Variants in SHTN1 observed in about 807,000 individuals in gnomAD.
The protein encoded by SHTN1 is shootin-1.
In SHTN1, 42 loss-of-function variants were observed where a neutral mutation model predicts 83.1. That is an observed-to-expected ratio of 0.51 (90% CI 0.39 to 0.65). SHTN1 has a LOEUF of 0.65. Ranked by LOEUF, SHTN1 falls within the 30% of genes least tolerant of loss-of-function variation. The pLI is 0.00. For synonymous variants in SHTN1, 224 were observed against 247.7 expected, an observed-to-expected ratio of 0.90 and a Z score of 0.90; for missense variants, 622 against 737.8, an observed-to-expected ratio of 0.84 and a Z score of 1.82.
intron 4 of SHTN1, among the ~76,000 whole-genome samples, chr10:116,959,005 CT>C (rs1487672282): frequency 7.2e-5 from 11 of 152,130 alleles, no homozygotes; most frequent in Non-Finnish European, 1.6e-4. Context: ...AGAGTATATC[CT>C]TAGACACTAG....
chr10:117,125,682 G>T (rs997217899), intron 1 of SHTN1, among the ~76,000 whole-genome samples: 5 of 151,780 alleles, frequency 3.3e-5, no homozygotes, highest in Non-Finnish European at 7.4e-5. Flanking sequence ...TCTCCCCTCC[G>T]TTTCTCCCTG....
chr10:116,929,163 G>C (rs982139914), intron 10 of SHTN1, among the ~76,000 whole-genome samples: 1 of 152,176 alleles, frequency 6.6e-6, no homozygotes, highest in African/African-American at 2.4e-5. Flanking sequence ...AAAAATATCT[G>C]AAGTGAATAT....
chr10:116,927,925 AAAT>A, intron 10 of SHTN1, 34 bp from the exon 11 acceptor site: 3 of 1,610,454 alleles, frequency 1.9e-6, no homozygotes, highest in Non-Finnish European at 2.5e-6. Flanking sequence ...AAGAGAGCTG[AAAT>A]AAGCAACTAA....
In SHTN1 at chr10:116,970,712, C is replaced by CAAAA. The variant is rs1203374258; in HGVS notation, c.112-2004_112-2001dup. Among the ~76,000 whole-genome samples, 85 of 68,184 alleles carry CAAAA rather than the reference C, an allele frequency of 1.2e-3. 2 individuals carry two copies. In the South Asian group the frequency reaches 0.037, roughly 30 times the overall value. 44.7% of individuals were successfully genotyped at this position (68,184 alleles called of 152,430 possible). ...CTGGTGACAGAGAGAGACTTACTCT[C>CAAAA]AAAAAAAAAAAAAAACAAACCATCA... On this transcript the variant is annotated intron_variant, in intron 2 of 16. Transcript: ENST00000355371.
chr10:116,923,899 T>C (rs1198045271), intron 11 of SHTN1, among the ~76,000 whole-genome samples: 6 of 152,168 alleles, frequency 3.9e-5, no homozygotes, highest in Admixed American at 3.9e-4. Context: ...ACTTTTCACT[T>C]CTACGTTTGC....
intron 9 of SHTN1, among the ~76,000 whole-genome samples, chr10:116,936,070 G>C (rs923910564): frequency 6.6e-6 from 1 of 151,806 alleles, no homozygotes; most frequent in Non-Finnish European, 1.5e-5. Flanking sequence ...TTCTTTATTA[G>C]TTGGGCTAGC....
chr10:117,067,459 G>A (rs991869836), intron 1 of SHTN1, among the ~76,000 whole-genome samples: 3 of 152,202 alleles, frequency 2.0e-5, no homozygotes, highest in African/African-American at 7.2e-5. Flanking sequence ...GCCAGACGTG[G>A]TGGCAGGTGC....
chr10:117,001,818 T>C (rs1325972680), intron 1 of SHTN1, among the ~76,000 whole-genome samples: 1 of 152,172 alleles, frequency 6.6e-6, no homozygotes, highest in African/African-American at 2.4e-5. Flanking sequence ...TCATTATGCA[T>C]TCTAAGCATG....
At chr10:116,931,474 C>A (rs1848963543) in intron 9 of SHTN1, among the ~76,000 whole-genome samples, 1 of 152,120 alleles carries the variant, frequency 6.6e-6, no homozygotes, top group East Asian at 1.9e-4. Flanking sequence ...GTTTCGAACT[C>A]CTGGCCTTAA....
At chr10:116,935,322 A>C (rs1341671389) in intron 9 of SHTN1, among the ~76,000 whole-genome samples, 2 of 152,172 alleles carry the variant, frequency 1.3e-5, no homozygotes, top group Non-Finnish European at 2.9e-5. Context: ...AGCTCTTATT[A>C]TTTTGAGATA....
intron 4 of SHTN1, among the ~76,000 whole-genome samples, chr10:116,958,175 T>G (rs1483452752): frequency 6.6e-6 from 1 of 152,056 alleles, no homozygotes; most frequent in African/African-American, 2.4e-5. Context: ...GAAACTTTGC[T>G]CTCAGGAAAA....
At chr10:117,093,973 C>A (rs1853470573) in intron 1 of SHTN1, among the ~76,000 whole-genome samples, 1 of 152,168 alleles carries the variant, frequency 6.6e-6, no homozygotes, top group South Asian at 2.1e-4. Context: ...GAGGCTAATT[C>A]TTCCAATATA....
At chr10:117,107,749 T>C (rs903749474) in intron 1 of SHTN1, among the ~76,000 whole-genome samples, 2 of 152,192 alleles carry the variant, frequency 1.3e-5, no homozygotes, top group Non-Finnish European at 2.9e-5. Flanking sequence ...AGAAAGAAGA[T>C]AGAAGTTTGG....
intron 1 of SHTN1, among the ~76,000 whole-genome samples, chr10:116,997,987 G>C (rs1851684520): frequency 6.6e-6 from 1 of 152,150 alleles, no homozygotes; most frequent in South Asian, 2.1e-4. Flanking sequence ...AGCTACTCGG[G>C]AGGCAGAGGC....
intron 1 of SHTN1, among the ~76,000 whole-genome samples, chr10:117,048,664 A>T (rs906609273): frequency 1.3e-5 from 2 of 152,190 alleles, no homozygotes; most frequent in Non-Finnish European, 2.9e-5. Context: ...CCCACATTGA[A>T]CTTCTGTAGT....
At chr10:117,103,747 A>C (rs1475119834) in intron 1 of SHTN1, among the ~76,000 whole-genome samples, 2 of 151,986 alleles carry the variant, frequency 1.3e-5, no homozygotes, top group African/African-American at 4.8e-5. Context: ...TGTGTTAGCC[A>C]GGATGGTCTC....
intron 2 of SHTN1, among the ~76,000 whole-genome samples, chr10:117,027,017 C>T (rs559070144): frequency 6.6e-6 from 1 of 152,338 alleles, no homozygotes; most frequent in South Asian, 2.1e-4. Flanking sequence ...CCTCCAGCTC[C>T]AGGTGGCTCA....
chr10:116,887,020 G>A (rs535232726), intron 16 of SHTN1, among the ~76,000 whole-genome samples: 1 of 152,236 alleles, frequency 6.6e-6, no homozygotes, highest in East Asian at 1.9e-4. Context: ...GCAGGGACAA[G>A]GGGAGTAATC....
rs71013635 is a variant in SHTN1, at chr10:117,051,999, CATATAT to C, written c.-188-3495_-188-3490del. 9.4e-3 allele frequency among the ~76,000 whole-genome samples: 321 copies of C among 34,126 alleles called. 20 individuals are homozygous for C. The highest frequency in any genetic ancestry group is 0.025 in the Admixed American group (63 of 2,556). The allele number at this position is 34,126 out of a possible 152,430, so 22.4% of individuals were successfully genotyped here. A position where few individuals can be genotyped will look rare whatever the true frequency, so the allele number is the denominator to read the frequency against. On this transcript the variant is annotated intron_variant, in intron 1 of 17. Coordinates refer to the SHTN1 transcript ENST00000392901. The stretch of plus-strand genomic sequence containing the variant: ...TACCTTTATTTTCAAATGACATAAT[CATATAT>C]ATATATATATATATATAGAAAAGCC...
Sources: gnomAD v4.1 joint callset for allele counts (sites outside exome capture counted in the v4.1 genomes callset) on GRCh38, gnomAD v4.1.1 for gene constraint, MANE v1.5 for transcripts, NCBI Gene and HGNC (gene_info 2026-07-23, HGNC 2026-07-21) for gene names.